The following AIFM1 variants were observed in gnomAD, a reference collection of about 807,000 sequenced individuals.
The protein encoded by AIFM1 is apoptosis inducing factor mitochondria associated 1, also known as apoptosis-inducing factor 1, mitochondrial.
AIFM1 carries 3 observed loss-of-function variants against 51.7 expected under a neutral mutation model. The observed-to-expected ratio is 0.06, with a 90% CI of 0.03 to 0.15. The LOEUF is 0.15. Among genes scored for constraint, AIFM1 ranks in the 10% least tolerant of loss-of-function variants. The pLI is 1.00. For missense variants in AIFM1, 330 were observed against 476.8 expected (o/e 0.69, Z 2.87); for synonymous variants, 178 against 179.4 (o/e 0.99, Z 0.06).
chrX:130,162,724 A>G (rs1458193359), intron 1 of AIFM1, among the ~76,000 whole-genome samples: 1 of 111,809 alleles, frequency 8.9e-6, no homozygotes, highest in African/African-American at 3.3e-5. Flanking sequence ...GATTCCAAAT[A>G]GAGAAAAACG....
Position 130,146,939 on chromosome X carries a change from A to ATC in AIFM1, c.605+552_605+553dup, listed in dbSNP as rs1272508103. Among the ~76,000 whole-genome samples, 4 of 112,368 alleles carry ATC rather than the reference A, an allele frequency of 3.6e-5. No individual in the cohort carries two copies. The East Asian group carries it at 8.4e-4, about 24-fold the overall frequency. On this transcript the variant is annotated intron_variant, in intron 5 of 15. Coordinates refer to ENST00000287295, the MANE Select transcript of AIFM1 (RefSeq NM_004208.4). ...CAATTTGGGAGGCCGAGGAAGGCGGATCATGAGGTCAGGAGATCGAGACCA... is the reference window on the plus strand; with the variant it reads ...CAATTTGGGAGGCCGAGGAAGGCGGATCTCATGAGGTCAGGAGATCGAGACCA...
intron 6 of AIFM1, among the ~76,000 whole-genome samples, chrX:130,145,000 G>C (rs1603226530): frequency 8.9e-6 from 1 of 111,829 alleles, no homozygotes; most frequent in East Asian, 2.8e-4. Context: ...ACACACTCTA[G>C]TACCTGCCAT....
intron 6 of AIFM1, among the ~76,000 whole-genome samples, chrX:130,143,733 G>A (rs946128706): frequency 6.4e-5 from 7 of 110,227 alleles, no homozygotes; most frequent in African/African-American, 2.3e-4. Flanking sequence ...GGCGCATGCA[G>A]CTACTTGGGA....
At position 130,137,661 on chromosome X, in the gene AIFM1, A is replaced by G. The variant is rs1009099745; in HGVS notation, c.968-476T>C. 17 of 1,103,257 alleles carry G rather than the reference A, an allele frequency of 1.5e-5. No homozygotes were observed. The African/African-American group carries it at 2.8e-4, about 18-fold the overall frequency. 90.9% of individuals were successfully genotyped at this position (1,103,257 alleles called of 1,213,427 possible). A position where few individuals can be genotyped will look rare whatever the true frequency, so the allele number is the denominator to read the frequency against. On this transcript the variant is annotated intron_variant, in intron 9 of 15. Transcript: ENST00000287295. Reference sequence around the variant, plus strand: ...AGGAAGCAGCAGTTCAAAGACACCCATAATTCTGTAGTCTGCATTGCCCTT... The same window carrying G: ...AGGAAGCAGCAGTTCAAAGACACCCGTAATTCTGTAGTCTGCATTGCCCTT...
At position 130,165,828 on chromosome X, in the gene AIFM1, C is replaced by A; in HGVS notation, c.-172G>T. 2.0e-6 allele frequency: 1 copy of A among 507,907 alleles called. No individual in the cohort carries two copies. The highest frequency in any genetic ancestry group is 3.5e-6 in the Non-Finnish European group (1 of 282,777). 41.9% of individuals were successfully genotyped at this position (507,907 alleles called of 1,213,427 possible). ...GACAGAGAAGCCGGCCTGCTAGAGC[C>A]GGGGAAGGGGAACGGCGACCGGAGG... On this transcript the variant is annotated 5_prime_UTR_variant, in exon 1 of 16. Coordinates refer to ENST00000287295, the MANE Select transcript of AIFM1 (RefSeq NM_004208.4).
chrX:130,158,962 C>A (rs921964482), intron 1 of AIFM1, among the ~76,000 whole-genome samples: 18 of 110,834 alleles, frequency 1.6e-4, no homozygotes, highest in Non-Finnish European at 2.5e-4. Context: ...AAAACAAGCC[C>A]AATGTGGATC....
rs1401311814 is a variant in AIFM1 at position 130,145,517 on chromosome X, T to C, written c.658A>G (p.Ile220Val). The C allele has an allele frequency of 8.3e-7, 1 of 1,208,296 alleles. No individual in the cohort carries two copies. The highest frequency in any genetic ancestry group is 1.1e-6 in the Non-Finnish European group (1 of 894,113). The stretch of plus-strand genomic sequence containing the variant: ...AGGACAGCCACACCACCATTCTCAA[T>C]ATGAGGCAGGTCCTGAGCAGAGACA... ...FYVSAQDLPH[I>V]ENGGVAVLTG... is the part of the protein sequence containing the mutation. The change falls in exon 6 of 16, where the codon ATT becomes GTT. Residue 220 changes from isoleucine (I) to valine (V), a missense_variant. By Grantham distance (29) the Ile-to-Val change is conservative (BLOSUM62 3). Transcript: ENST00000287295.
chrX:130,134,779 A>G (rs974173267), intron 12 of AIFM1, among the ~76,000 whole-genome samples: 1 of 111,750 alleles, frequency 8.9e-6, no homozygotes, highest in Non-Finnish European at 1.9e-5. Context: ...GACTCCCCCA[A>G]AGCAACCTAA....
chrX:130,149,041 C>T (rs1360369272), intron 3 of AIFM1, among the ~76,000 whole-genome samples: 1 of 104,752 alleles, frequency 9.5e-6, no homozygotes, highest in African/African-American at 3.5e-5. Context: ...CATGCCTCAG[C>T]CTCCCGAGCA....
At chrX:130,143,306 T>A (rs1236534734) in intron 6 of AIFM1, among the ~76,000 whole-genome samples, 1 of 112,167 alleles carries the variant, frequency 8.9e-6, no homozygotes, top group Non-Finnish European at 1.9e-5. Context: ...CACGCAGATA[T>A]TCCACTTCAT....
At chrX:130,140,422 A>G (rs2030533688) in intron 7 of AIFM1, 111 bp downstream of exon 7, 1 of 649,393 alleles carries the variant, frequency 1.5e-6, no homozygotes, top group African/African-American at 2.1e-5. Flanking sequence ...CTCACTTCAG[A>G]GAGTCTGGGT....
chrX:130,155,135 G>A, intron 2 of AIFM1: 1 of 1,209,678 alleles, frequency 8.3e-7, no homozygotes, highest in Non-Finnish European at 1.1e-6. Context: ...CCCAAAATAT[G>A]TTTTAGTGTA....
intron 9 of AIFM1, chrX:130,137,416 T>C (rs747357783): frequency 8.6e-7 from 1 of 1,157,800 alleles, no homozygotes; most frequent in South Asian, 2.0e-5. Context: ...AAGCTTCAGA[T>C]GGTGAACTCT....
intron 2 of AIFM1, among the ~76,000 whole-genome samples, chrX:130,151,238 T>A (rs1295577273): frequency 9.2e-6 from 1 of 108,754 alleles, no homozygotes; most frequent in Non-Finnish European, 1.9e-5. Context: ...CCTCCTGGGT[T>A]CAAGCGATTC....
At chrX:130,162,838 T>C (rs1321379158) in intron 1 of AIFM1, among the ~76,000 whole-genome samples, 2 of 112,096 alleles carry the variant, frequency 1.8e-5, no homozygotes, top group Non-Finnish European at 3.8e-5. Context: ...AAAATGTCTA[T>C]TATCTAACCT....
At position 130,153,296 on chromosome X, in the gene AIFM1, T is replaced by A. The variant is rs1249833824; in HGVS notation, c.249+3165A>T. On this transcript the variant is annotated intron_variant, in intron 2 of 15. Coordinates refer to ENST00000287295, the MANE Select transcript of AIFM1 (RefSeq NM_004208.4). ...TGAACCCGGGAGGCGGACGTATCAG[T>A]TAGCCGAGATCGCGCCACTGCACTC... 3.0e-5 allele frequency among the ~76,000 whole-genome samples: 3 copies of A among 100,590 alleles called. No homozygotes were observed. The Admixed American group carries it at 3.2e-4, about 11-fold the overall frequency. 87.4% of individuals were successfully genotyped at this position (100,590 alleles called of 115,157 possible). A position where few individuals can be genotyped will look rare whatever the true frequency, so the allele number is the denominator to read the frequency against.
intron 12 of AIFM1, among the ~76,000 whole-genome samples, chrX:130,135,664 C>T (rs150407971): frequency 0.011 from 1,236 of 111,244 alleles, 8 homozygotes; most frequent in African/African-American, 0.039. Flanking sequence ...ATTTTCCTTT[C>T]TAGGGAACAG....
At chrX:130,145,014 C>T (rs762734817) in intron 6 of AIFM1, among the ~76,000 whole-genome samples, 1 of 112,157 alleles carries the variant, frequency 8.9e-6, no homozygotes, top group South Asian at 3.7e-4. Context: ...CTGCCATTAA[C>T]AACAATAAAA....
chrX:130,145,385 G>A, intron 6 of AIFM1, 94 bp downstream of exon 6: 1 of 682,070 alleles, frequency 1.5e-6, no homozygotes, highest in Non-Finnish European at 2.4e-6. Context: ...TACAATGGCA[G>A]GACAGACATA....
Sources: gnomAD v4.1 joint callset for allele counts (sites outside exome capture counted in the v4.1 genomes callset) on GRCh38, gnomAD v4.1.1 for gene constraint, MANE v1.5 for transcripts, NCBI Gene and HGNC (gene_info 2026-07-23, HGNC 2026-07-21) for gene names.